NCAPH2: variants seen among roughly 807,000 people sequenced by gnomAD.
The protein encoded by NCAPH2 is non-SMC condensin II complex subunit H2.
Under a neutral mutation model 88.6 loss-of-function variants are expected in NCAPH2, and 56 were observed. The ratio of observed to expected loss-of-function variants is 0.63; its 90% CI spans 0.51 to 0.79. The LOEUF (loss-of-function observed/expected upper bound fraction) is 0.79, where lower values mean the gene tolerates loss of function less well. Among genes scored for constraint, NCAPH2 ranks in the 30% least tolerant of loss-of-function variants. NCAPH2 has a pLI of 0.00. For missense variants in NCAPH2, 794 were observed against 792.0 expected, an observed-to-expected ratio of 1.00 and a Z score of -0.03; for synonymous variants, 378 against 313.6, an observed-to-expected ratio of 1.21 and a Z score of -2.17.
At chr22:50,516,339 C>G (rs529675120) in intron 1 of NCAPH2, 108 bp from the exon 2 acceptor site, 20 of 945,324 alleles carry the variant, frequency 2.1e-5, no homozygotes, top group Non-Finnish European at 1.8e-5. Context: ...TAGAGCTGCC[C>G]GTCTCGGGAG....
intron 1 of NCAPH2, among the ~76,000 whole-genome samples, chr22:50,512,333 G>C (rs1221503953): frequency 2.0e-5 from 3 of 152,210 alleles, no homozygotes; most frequent in South Asian, 2.1e-4. Flanking sequence ...TGTGGATTCA[G>C]GTTTTCACAT....
At chr22:50,515,065 G>A (rs767233149) in intron 1 of NCAPH2, among the ~76,000 whole-genome samples, 1 of 152,238 alleles carries the variant, frequency 6.6e-6, no homozygotes, top group African/African-American at 2.4e-5. Flanking sequence ...ACCAGTGTCA[G>A]GCACTGAACA....
intron 9 of NCAPH2, among the ~76,000 whole-genome samples, chr22:50,520,008 C>A (rs1449750583): frequency 6.6e-6 from 1 of 151,992 alleles, no homozygotes; most frequent in Non-Finnish European, 1.5e-5. Flanking sequence ...GTAGCTGGGA[C>A]TACAGGCGCC....
chr22:50,517,210 C>T (rs75088399), intron 2 of NCAPH2, among the ~76,000 whole-genome samples: 2,285 of 152,354 alleles, frequency 0.015, 27 homozygotes, highest in Non-Finnish European at 0.024. Flanking sequence ...CCATAGAGGG[C>T]AGAGGAGAGA....
intron 10 of NCAPH2, 57 bp from the exon 11 acceptor site, chr22:50,521,486 G>A (rs2069094460): frequency 1.3e-6 from 2 of 1,574,046 alleles, no homozygotes; most frequent in Non-Finnish European, 1.7e-6. Flanking sequence ...TACTCCTTTG[G>A]GAGGGACGGC....
Position 50,519,606 on chromosome 22 carries a change from G to A in NCAPH2, c.861+286G>A, listed in dbSNP as rs548688748. On this transcript the variant is annotated intron_variant, in intron 9 of 19. Coordinates refer to ENST00000420993, the MANE Select transcript of NCAPH2 (RefSeq NM_152299.4). ...CTCACGGCAACCTGGGATGGCCGCC[G>A]GTTGCCAAGGCGCCTCTCTGCAGTC... 1.3e-3 allele frequency: 1,544 copies of A among 1,225,836 alleles called. 5 individuals are homozygous for A. The highest frequency in any genetic ancestry group is 1.9e-3 in the South Asian group (63 of 32,926). The allele number at this position is 1,225,836 out of a possible 1,614,324, so 75.9% of individuals were successfully genotyped here. A position where few individuals can be genotyped will look rare whatever the true frequency, so the allele number is the denominator to read the frequency against.
Position 50,517,607 on chromosome 22 carries a change from G to A in NCAPH2, c.297G>A (p.Glu99=), listed in dbSNP as rs768262618. ...RRAKQLSSVQ[E]DRANGVASSG... ...CCAAGCAGCTCTCTTCGGTGCAGGA[G>A]GACAGGGCCAATGGGGTTGCCAGCT... The change falls in exon 4 of 20, where the codon GAG becomes GAA. Residue 99 remains glutamate (E), a synonymous_variant. Coordinates refer to ENST00000420993, the MANE Select transcript of NCAPH2 (RefSeq NM_152299.4). 6.2e-7 allele frequency: 1 copy of A among 1,614,148 alleles called. No individual in the cohort carries two copies. The highest frequency in any genetic ancestry group is 1.1e-5 in the South Asian group (1 of 91,086).
At position 50,523,305 on chromosome 22, in the gene NCAPH2, G is replaced by A. The variant is rs1217720751; in HGVS notation, c.1748G>A (p.Arg583Lys). 1 of 1,597,578 alleles carries A rather than the reference G, an allele frequency of 6.3e-7. No homozygotes were observed. The highest frequency in any genetic ancestry group is 8.5e-7 in the Non-Finnish European group (1 of 1,172,140). The change falls in exon 20 of 20, where the codon AGA (arginine) becomes AAA (lysine). Residue 583 changes from arginine (R) to lysine (K), a missense_variant. Arg to Lys is a conservative substitution (Grantham distance 26). Around this residue, in one of 2 missense-constraint regions of NCAPH2, gnomAD observed 735 missense variants for 696.3 expected, o/e 1.06. Coordinates refer to ENST00000420993, the MANE Select transcript of NCAPH2 (RefSeq NM_152299.4). ...ATGGCCGTGGACACCATGTCCCTGA[G>A]ACTGCTCACGCACCAGCGAGCGCAC... is the stretch of plus-strand genomic sequence containing the variant. ...LEMAVDTMSL[R>K]LLTHQRAHKR...
In NCAPH2 at chr22:50,517,841, G is replaced by A. The variant is rs562975870; in HGVS notation, c.420+32G>A. On this transcript the variant is annotated intron_variant, in intron 5 of 19. Transcript: ENST00000420993. ...CCTGGCCTGGCCCCTCTTAGGCTGG[G>A]GTGAGGTCAGCACTTTCCCTGGGGC... 9.1e-5 allele frequency: 146 copies of A among 1,611,464 alleles called. 2 individuals are homozygous for A. The South Asian group carries it at 1.5e-3, about 17-fold the overall frequency.
Position 50,523,071 on chromosome 22 carries a change from T to C in NCAPH2, c.1582T>C (p.Phe528Leu). 6.2e-7 allele frequency: 1 copy of C among 1,608,968 alleles called. No homozygotes were observed. Among genetic ancestry groups the C allele is most frequent in the Non-Finnish European group, 8.5e-7 (1 of 1,176,412 alleles). The change falls in exon 19 of 20, where the codon TTC (phenylalanine) becomes CTC (leucine). Residue 528 changes from phenylalanine to leucine, a missense_variant. Around this residue, in one of 2 missense-constraint regions of NCAPH2, gnomAD observed 735 missense variants for 696.3 expected, o/e 1.06. Coordinates refer to ENST00000420993, the MANE Select transcript of NCAPH2 (RefSeq NM_152299.4). The part of the protein sequence containing the change: ...HTYGDQLVSR[F>L]PQLNEWCPFA... ...CTATGGGGACCAGCTGGTCTCACGG[T>C]TCCCCCAGCTCAATGAGTGGTGTCC...
chr22:50,516,928 A>G (rs574330997), intron 2 of NCAPH2, among the ~76,000 whole-genome samples: 22 of 152,266 alleles, frequency 1.4e-4, no homozygotes, highest in Admixed American at 9.8e-4. Flanking sequence ...TGTTCTGTGG[A>G]GGAGAAGGAC....
rs1419294321 is a variant in NCAPH2, at chr22:50,519,231, G to T, written c.772G>T (p.Asp258Tyr). ...EGPMPLGGGE[D>Y]EDAEEAVELP... is the part of the protein sequence containing the mutation. The stretch of plus-strand genomic sequence containing the variant: ...CCCGATGCCCCTGGGTGGGGGCGAG[G>T]ACGAGGATGCAGAGGAGGCAGTAGA... The change falls in exon 9 of 20, where the codon GAC (aspartate) becomes TAC (tyrosine). Residue 258 changes from aspartate (D) to tyrosine (Y), a missense_variant. This residue lies in a region of NCAPH2 where 735 missense variants were observed against 696.3 expected (regional missense o/e 1.06). Coordinates refer to ENST00000420993, the MANE Select transcript of NCAPH2 (RefSeq NM_152299.4). The T allele has an allele frequency of 9.3e-6, 15 of 1,610,518 alleles. No individual in the cohort carries two copies. Among genetic ancestry groups the T allele is most frequent in the Non-Finnish European group, 1.3e-5 (15 of 1,178,998 alleles).
chr22:50,511,841 G>A lies in NCAPH2; in HGVS notation c.108+3396G>A, dbSNP rs7410340. 8.6e-3 allele frequency among the ~76,000 whole-genome samples: 1,302 copies of A among 151,434 alleles called. 20 individuals carry two copies. Among genetic ancestry groups the A allele is most frequent in the African/African-American group, 0.029 (1,216 of 41,296 alleles). ...TTTTGTATTTTTCAGTAGAGACAGG[G>A]TTTCACCATGTTAGCCAGGATGGTC... On this transcript the variant is annotated intron_variant, in intron 1 of 19. Transcript: ENST00000420993.
intron 10 of NCAPH2, among the ~76,000 whole-genome samples, 165 bp from the exon 11 acceptor site, chr22:50,521,375 ACTC>A (rs72384165): frequency 1.2e-3 from 39 of 32,016 alleles, no homozygotes; most frequent in South Asian, 8.3e-3. Context: ...TGAACCCCCT[ACTC>A]CTCCTTTGGG....
intron 1 of NCAPH2, among the ~76,000 whole-genome samples, chr22:50,508,914 A>G (rs1234210315): frequency 1.3e-5 from 2 of 152,120 alleles, no homozygotes; most frequent in African/African-American, 4.8e-5. Flanking sequence ...CCCTGTCTAG[A>G]CCTGTGTTAA....
chr22:50,519,274 C>G lies in NCAPH2; in HGVS notation c.815C>G (p.Ala272Gly). The G allele has an allele frequency of 6.8e-6, 11 of 1,606,654 alleles. No individual in the cohort carries two copies. Among genetic ancestry groups the G allele is most frequent in the African/African-American group, 1.3e-5 (1 of 74,994 alleles). ...EEAVELPEAS[A>G]PKAALEPKES... ...GCAGTAGAGCTTCCTGAGGCCTCGG[C>G]CCCCAAGGCCGCTCTGGAGCCCAAG... The change falls in exon 9 of 20, where the codon GCC becomes GGC. Residue 272 changes from alanine to glycine, a missense_variant. Physicochemically the swap from Ala to Gly is moderately conservative, Grantham distance 60. Around this residue, in one of 2 missense-constraint regions of NCAPH2, gnomAD observed 735 missense variants for 696.3 expected, o/e 1.06. Transcript: ENST00000420993.
intron 9 of NCAPH2, 179 bp downstream of exon 9, chr22:50,519,499 T>G (rs1947795790): frequency 7.0e-6 from 10 of 1,432,358 alleles, no homozygotes; most frequent in Non-Finnish European, 9.2e-6. Flanking sequence ...GAAGAGCAGC[T>G]TCTGTGTTCC....
rs1196505327 is a variant in NCAPH2, at chr22:50,518,674, A to G, written c.672A>G (p.Pro224=). 1.2e-6 allele frequency: 2 copies of G among 1,609,454 alleles called. No homozygotes were observed. The highest frequency in any genetic ancestry group is 1.7e-6 in the Non-Finnish European group (2 of 1,178,816). ...ACACCGGGAGGACTGAGGAGCAGCC[A>G]ATGGAAGTTTCCGTGTGCAGGAGCC... ...QKDTGRTEEQ[P]MEVSVCRSPV... Residue 224 remains proline, a synonymous_variant, in exon 8 of 20, where the codon CCA becomes CCG. Transcript: ENST00000420993.
At position 50,517,725 on chromosome 22, in the gene NCAPH2, C is replaced by G; in HGVS notation, c.352-16C>G. The stretch of plus-strand genomic sequence containing the variant: ...TTTGCCTGGGCTCCGCCCCCACGAG[C>G]TCTGTCTCCCTCCAGTTCCTGTCGC... On this transcript the variant is annotated splice_polypyrimidine_tract_variant and intron_variant, in intron 4 of 19. Coordinates refer to ENST00000420993, the MANE Select transcript of NCAPH2 (RefSeq NM_152299.4). 6.2e-7 allele frequency: 1 copy of G among 1,614,112 alleles called. No homozygotes were observed. The highest frequency in any genetic ancestry group is 1.7e-5 in the Admixed American group (1 of 60,034).
Sources: gnomAD v4.1 joint callset for allele counts (sites outside exome capture counted in the v4.1 genomes callset) on GRCh38, gnomAD v4.1.1 for gene constraint, gnomAD v4.1.1 regional missense constraint, MANE v1.5 for transcripts, NCBI Gene and HGNC (gene_info 2026-07-23, HGNC 2026-07-21) for gene names.